PLEKHA2: variants seen among roughly 807,000 people sequenced by gnomAD.
The protein encoded by PLEKHA2 is pleckstrin homology domain containing A2.
In PLEKHA2, 28 loss-of-function variants were observed where a neutral mutation model predicts 53.2. The ratio of observed to expected loss-of-function variants is 0.53; its 90% confidence interval spans 0.39 to 0.72. PLEKHA2 has a LOEUF of 0.72. PLEKHA2 is among the 30% of genes least tolerant of loss of function. PLEKHA2 has a pLI of 0.00. For missense variants in PLEKHA2, 426 were observed against 537.9 expected (o/e 0.79, Z 2.06); for synonymous variants, 193 against 196.4 (o/e 0.98, Z 0.14).
chr8:38,941,159 C>G (rs143719725), intron 3 of PLEKHA2, among the ~76,000 whole-genome samples: 1 of 151,588 alleles, frequency 6.6e-6, no homozygotes, highest in East Asian at 1.9e-4. Context: ...CGGGTTCAAG[C>G]GATTCTCCTG....
At chr8:38,966,687 ATAAG>A (rs886265146) in intron 10 of PLEKHA2, among the ~76,000 whole-genome samples, 2 of 152,206 alleles carry the variant, frequency 1.3e-5, no homozygotes, top group African/African-American at 4.8e-5. Flanking sequence ...CTGGGAGGAA[ATAAG>A]TAACTCGGCT....
chr8:38,914,536 G>C (rs1834002826), intron 1 of PLEKHA2, among the ~76,000 whole-genome samples: 1 of 152,266 alleles, frequency 6.6e-6, no homozygotes, highest in Non-Finnish European at 1.5e-5. Context: ...TCACAACTTT[G>C]TGTGGCTGTG....
intron 5 of PLEKHA2, chr8:38,950,625 C>T (rs976943990): frequency 5.0e-5 from 21 of 418,034 alleles, no homozygotes; most frequent in South Asian, 3.2e-4. Context: ...CATAAGTAGG[C>T]GCTCAAGAAA....
Position 38,970,005 on chromosome 8 carries a change from G to T in PLEKHA2, c.*222G>T. The T allele has an allele frequency of 1.5e-6, 1 of 650,144 alleles. No individual in the cohort carries two copies. Among genetic ancestry groups the T allele is most frequent in the South Asian group, 2.1e-5 (1 of 47,374 alleles). 40.3% of individuals were successfully genotyped at this position (650,144 alleles called of 1,614,324 possible). On this transcript the variant is annotated 3_prime_UTR_variant, in exon 12 of 12. Transcript: ENST00000617275. ...ATATCAACGCAGTGTATTTAATTTG[G>T]GGAAGTCACTAGGTTAGAACTGTAG...
intron 1 of PLEKHA2, among the ~76,000 whole-genome samples, chr8:38,917,245 T>C (rs1223112431): frequency 6.6e-6 from 1 of 152,204 alleles, no homozygotes; most frequent in Non-Finnish European, 1.5e-5. Context: ...CTTTGTTGAT[T>C]GTTTCCTTTG....
intron 3 of PLEKHA2, among the ~76,000 whole-genome samples, chr8:38,938,900 CT>C (rs373598976): frequency 0.01 from 1,462 of 142,608 alleles, 24 homozygotes; most frequent in African/African-American, 0.029. Context: ...CTTTCTTTTT[CT>C]TTTTTTTTTT....
intron 2 of PLEKHA2, among the ~76,000 whole-genome samples, chr8:38,920,084 G>T (rs1834151305): frequency 6.6e-6 from 1 of 151,986 alleles, no homozygotes; most frequent in African/African-American, 2.4e-5. Context: ...TGATTCTCCT[G>T]CCTCAGCCTC....
chr8:38,972,339 A>G lies in PLEKHA2; in HGVS notation c.*2556A>G, dbSNP rs1835266203. Reference sequence around the variant, plus strand: ...GTAGCTAGGACTACAGGGTTGTGCTACCACGCCTGGCTAATTTTTAATTTT... The same window carrying G: ...GTAGCTAGGACTACAGGGTTGTGCTGCCACGCCTGGCTAATTTTTAATTTT... On this transcript the variant is annotated 3_prime_UTR_variant, in exon 12 of 12. Coordinates refer to ENST00000617275, the MANE Select transcript of PLEKHA2 (RefSeq NM_021623.2). The G allele has an allele frequency of 6.6e-6, 1 of 152,096 alleles. No homozygotes were observed. Among genetic ancestry groups the G allele is most frequent in the Non-Finnish European group, 1.5e-5 (1 of 68,026 alleles). 9.4% of individuals were successfully genotyped at this position (152,096 alleles called of 1,614,324 possible).
chr8:38,950,822 C>T (rs750764862), intron 5 of PLEKHA2, 28 bp from the exon 6 acceptor site: 1 of 1,606,030 alleles, frequency 6.2e-7, no homozygotes, highest in African/African-American at 1.3e-5. Context: ...TTCTGTTCCC[C>T]ATTGATTGTT....
At chr8:38,905,685 CTTTT>C (rs5891048) in intron 1 of PLEKHA2, among the ~76,000 whole-genome samples, 2 of 117,616 alleles carry the variant, frequency 1.7e-5, no homozygotes, top group African/African-American at 3.2e-5. Flanking sequence ...TGTGTTTTTG[CTTTT>C]TTTTTTTTTT....
At chr8:38,905,532 C>A (rs751600692) in intron 1 of PLEKHA2, among the ~76,000 whole-genome samples, 1 of 151,854 alleles carries the variant, frequency 6.6e-6, no homozygotes, top group Non-Finnish European at 1.5e-5. Flanking sequence ...ACACCCAGCC[C>A]CTCCTCCTTC....
At chr8:38,946,596 T>C (rs566863045) in intron 5 of PLEKHA2, among the ~76,000 whole-genome samples, 41 of 152,316 alleles carry the variant, frequency 2.7e-4, no homozygotes, top group African/African-American at 9.9e-4. Context: ...TCAGAACTTT[T>C]TCCCAGCTTG....
intron 4 of PLEKHA2, 140 bp downstream of exon 4, chr8:38,943,977 CAAGT>C: frequency 1.7e-6 from 1 of 578,044 alleles, no homozygotes; most frequent in East Asian, 3.4e-5. Flanking sequence ...TCCTGGACGT[CAAGT>C]GATATTGTTT....
At chr8:38,920,398 C>T (rs1226449629) in intron 2 of PLEKHA2, among the ~76,000 whole-genome samples, 1 of 152,104 alleles carries the variant, frequency 6.6e-6, no homozygotes, top group Non-Finnish European at 1.5e-5. Context: ...TCCTTATCTG[C>T]CCACCTTGGC....
chr8:38,918,575 GC>G (rs1564110054), intron 2 of PLEKHA2, among the ~76,000 whole-genome samples: 48 of 4,904 alleles, frequency 9.8e-3, no homozygotes, highest in Middle Eastern at 0.12. Context: ...ACACACACAT[GC>G]ACACACATGC....
At chr8:38,912,649 G>A (rs962725804) in intron 1 of PLEKHA2, among the ~76,000 whole-genome samples, 2 of 152,316 alleles carry the variant, frequency 1.3e-5, no homozygotes, top group Middle Eastern at 6.8e-3. Context: ...GCCTGGGGCA[G>A]CTCTGTGGAC....
chr8:38,905,470 A>T (rs7463117), intron 1 of PLEKHA2, among the ~76,000 whole-genome samples: 203 of 93,786 alleles, frequency 2.2e-3, no homozygotes, highest in African/African-American at 7.0e-3. Context: ...AAAAAAAAAA[A>T]TTTTTTTTAA....
intron 2 of PLEKHA2, among the ~76,000 whole-genome samples, chr8:38,931,505 C>T (rs1051351594): frequency 6.6e-6 from 1 of 152,182 alleles, no homozygotes; most frequent in Non-Finnish European, 1.5e-5. Context: ...GATCCTGATT[C>T]CTGTCCCACA....
chr8:38,921,274 C>T (rs1834189180), intron 2 of PLEKHA2, among the ~76,000 whole-genome samples: 1 of 152,228 alleles, frequency 6.6e-6, no homozygotes, highest in Admixed American at 6.5e-5. Context: ...TGTGTTAGTG[C>T]AAGTCATTCG....
Sources: gnomAD v4.1 joint callset for allele counts (sites outside exome capture counted in the v4.1 genomes callset) on GRCh38, gnomAD v4.1.1 for gene constraint, MANE v1.5 for transcripts, NCBI Gene and HGNC (gene_info 2026-07-23, HGNC 2026-07-21) for gene names.